Variants in DHX57 observed in about 807,000 individuals in gnomAD.
DHX57 encodes the protein putative ATP-dependent RNA helicase DHX57.
A neutral mutation model predicts 156.2 loss-of-function variants in DHX57; 105 were observed. That is an observed-to-expected ratio of 0.67 (90% CI 0.57 to 0.79). The LOEUF (loss-of-function observed/expected upper bound fraction) is 0.79, where lower values mean the gene tolerates loss of function less well. Ranked by LOEUF, DHX57 falls within the 30% of genes least tolerant of loss-of-function variation. The probability of loss-of-function intolerance (pLI) is 0.00; values close to 1 mark genes in which losing one functional copy is unlikely to be tolerated. For synonymous variants in DHX57, 704 were observed against 595.6 expected (o/e 1.18, Z -2.65); for missense variants, 1,847 against 1,661.9 (o/e 1.11, Z -1.94).
At chr2:38,832,981 CTT>C (rs773309488) in intron 13 of DHX57, among the ~76,000 whole-genome samples, 16 of 99,592 alleles carry the variant, frequency 1.6e-4, no homozygotes, top group African/African-American at 5.2e-4. Flanking sequence ...AATGTCTATT[CTT>C]TTTTTTTTTT....
intron 13 of DHX57, among the ~76,000 whole-genome samples, chr2:38,832,162 C>T (rs1194364956): frequency 6.6e-6 from 1 of 151,854 alleles, no homozygotes; most frequent in Non-Finnish European, 1.5e-5. Flanking sequence ...CACAGCGGGC[C>T]GGGTGCAGTG....
Position 38,868,188 on chromosome 2 carries a change from G to T in DHX57, c.218C>A (p.Pro73His). The change falls in exon 2 of 24, where the codon CCT (proline) becomes CAT (histidine). Residue 73 changes from proline to histidine, a missense_variant. Physicochemically the swap from Pro to His is moderately conservative, Grantham distance 77 (BLOSUM62 -2). Coordinates refer to ENST00000457308, the MANE Select transcript of DHX57 (RefSeq NM_198963.3). The stretch of plus-strand genomic sequence containing the variant: ...TTCAAAGAGTTATAATGACCTGGAA[G>T]GGCGCCTTGATTCACTGAAGATACA... ...DFCIFSESRR[P>H]SRPSNSNISK... 1.9e-6 allele frequency: 3 copies of T among 1,613,800 alleles called. No homozygotes were observed. The highest frequency in any genetic ancestry group is 2.5e-6 in the Non-Finnish European group (3 of 1,179,956).
intron 13 of DHX57, among the ~76,000 whole-genome samples, chr2:38,829,660 C>T (rs182452858): frequency 6.6e-6 from 1 of 152,214 alleles, no homozygotes; most frequent in Non-Finnish European, 1.5e-5. Flanking sequence ...CCCAAGCAAT[C>T]TTTCTGCTTT....
At chr2:38,804,314 G>T (rs1209886879) in intron 22 of DHX57, among the ~76,000 whole-genome samples, 1 of 151,978 alleles carries the variant, frequency 6.6e-6, no homozygotes, top group Non-Finnish European at 1.5e-5. Flanking sequence ...AACATGGTGA[G>T]ACCCCGTCTC....
At chr2:38,808,021 G>A (rs949972873) in intron 21 of DHX57, among the ~76,000 whole-genome samples, 1 of 109,600 alleles carries the variant, frequency 9.1e-6, no homozygotes, top group African/African-American at 3.5e-5. Flanking sequence ...GTGGCGTGAT[G>A]TTGGCTCACT....
rs1042987940 is a variant in DHX57, at chr2:38,832,755, C to G, written c.2543-4319G>C. Among the ~76,000 whole-genome samples, 6 of 151,864 alleles carry G rather than the reference C, an allele frequency of 4.0e-5. No homozygotes were observed. In the South Asian group the frequency reaches 1.2e-3, roughly 32 times the overall value. ...GTTTTGCCATGTTGGCTAGGCTGGT[C>G]TCGAACTCCTGACTTTAGGTGATCC... On this transcript the variant is annotated intron_variant, in intron 13 of 23. Coordinates refer to ENST00000457308, the MANE Select transcript of DHX57 (RefSeq NM_198963.3).
chr2:38,843,688 G>A (rs1672127355), intron 11 of DHX57, among the ~76,000 whole-genome samples: 1 of 152,236 alleles, frequency 6.6e-6, no homozygotes. Context: ...TTTAATATTT[G>A]TTAGTGACAA....
chr2:38,837,845 T>G lies in DHX57; in HGVS notation c.2528A>C (p.His843Pro), dbSNP rs1671762500. 6 of 1,603,342 alleles carry G rather than the reference T, an allele frequency of 3.7e-6. No homozygotes were observed. Among genetic ancestry groups the G allele is most frequent in the Non-Finnish European group, 5.1e-6 (6 of 1,170,514 alleles). The change falls in exon 13 of 24, where the codon CAC becomes CCC. Residue 843 changes from histidine (H) to proline (P), a missense_variant. By Grantham distance (77) the His-to-Pro change is moderately conservative (BLOSUM62 -2). Coordinates refer to ENST00000457308, the MANE Select transcript of DHX57 (RefSeq NM_198963.3). ...GAAGCAGTTACCTGGAGGGTAGGAG[T>G]GCTTTCCATCCACAATCCACTCTAA... ...ALLEWIVDGK[H>P]SYPPGAILVF...
intron 13 of DHX57, among the ~76,000 whole-genome samples, chr2:38,830,994 G>A (rs915024100): frequency 5.9e-5 from 9 of 152,090 alleles, no homozygotes; most frequent in African/African-American, 2.2e-4. Flanking sequence ...GCTTAAGCCA[G>A]GAAGTTGGGG....
intron 23 of DHX57, among the ~76,000 whole-genome samples, chr2:38,802,342 C>A (rs1458731999): frequency 6.6e-6 from 1 of 150,542 alleles, no homozygotes; most frequent in Non-Finnish European, 1.5e-5. Context: ...GGCTGGAGTG[C>A]AATGGCACGA....
intron 21 of DHX57, chr2:38,811,522 T>C (rs537876466): frequency 3.0e-6 from 3 of 999,394 alleles, no homozygotes; most frequent in African/African-American, 1.6e-5. Context: ...CTGGCTTCCT[T>C]GAAGTCTTCC....
rs965393651 is a variant in DHX57, at chr2:38,806,579, G to A, written c.3796C>T (p.Pro1266Ser). ...TKNDGYVHIH[P>S]SSVNYQVRHF... ...CTGACCTGATAGTTCACTGATGAAG[G>A]GTGAATGTGTACATATCCATCGTTC... Residue 1266 changes from proline (P) to serine (S), a missense_variant, in exon 22 of 24, where the codon CCT (proline) becomes TCT (serine). Transcript: ENST00000457308. 2.7e-5 allele frequency: 43 copies of A among 1,613,846 alleles called. No individual in the cohort carries two copies. The highest frequency in any genetic ancestry group is 3.5e-5 in the Non-Finnish European group (41 of 1,179,982).
chr2:38,819,190 T>C (rs777929733), intron 17 of DHX57, 46 bp from the exon 18 acceptor site: 2 of 1,566,396 alleles, frequency 1.3e-6, no homozygotes, highest in Non-Finnish European at 1.8e-6. Flanking sequence ...TTTTTTTTTT[T>C]CAAAGACAGG....
At chr2:38,826,833 T>G in intron 14 of DHX57, 144 bp from the exon 15 acceptor site, 1 of 914,384 alleles carries the variant, frequency 1.1e-6, no homozygotes, top group South Asian at 1.8e-5. Context: ...TCAGCTCTTC[T>G]ACATAGTAAA....
In DHX57 at chr2:38,801,739, C is replaced by T. The variant is rs529496025; in HGVS notation, c.4017+976G>A. On this transcript the variant is annotated intron_variant, in intron 23 of 23. Coordinates refer to ENST00000457308, the MANE Select transcript of DHX57 (RefSeq NM_198963.3). ...CATCCTGAATAGCTGGGATTACAGA[C>T]GCCCACTACCACACCTGGTTAATTT... is the stretch of plus-strand genomic sequence containing the variant. 7.9e-5 allele frequency among the ~76,000 whole-genome samples: 12 copies of T among 152,236 alleles called. No homozygotes were observed. The South Asian group carries it at 1.4e-3, about 18-fold the overall frequency.
chr2:38,819,145 C>G lies in DHX57; in HGVS notation c.3292-1G>C. ...CTTCTTTTTTATCCCAGGGAGATACCTAAAGGAGAGAGGAAAATCAGATTT... is the reference window on the plus strand; with the variant it reads ...CTTCTTTTTTATCCCAGGGAGATACGTAAAGGAGAGAGGAAAATCAGATTT... On this transcript the variant is annotated splice_acceptor_variant, in intron 17 of 23. Transcript: ENST00000457308. LOFTEE classifies it high-confidence loss of function. 1 of 1,612,602 alleles carries G rather than the reference C, an allele frequency of 6.2e-7. No homozygotes were observed. The highest frequency in any genetic ancestry group is 8.5e-7 in the Non-Finnish European group (1 of 1,179,628).
In DHX57 at chr2:38,848,332, C is replaced by T. The variant is rs776927183; in HGVS notation, c.2101G>A (p.Ala701Thr). ...GAAAAAAGCTCAGCGTTTAGAGTTGCACTCATTAAAATAACTTGAAGACCT... is the reference window on the plus strand; with the variant it reads ...GAAAAAAGCTCAGCGTTTAGAGTTGTACTCATTAAAATAACTTGAAGACCT... ...RPGLQVILMS[A>T]TLNAELFSDY... Residue 701 changes from alanine (A) to threonine (T), a missense_variant, in exon 10 of 24, where the codon GCA becomes ACA. Transcript: ENST00000457308. 3.1e-6 allele frequency: 5 copies of T among 1,612,410 alleles called. No individual in the cohort carries two copies. The highest frequency in any genetic ancestry group is 4.2e-6 in the Non-Finnish European group (5 of 1,179,290).
intron 12 of DHX57, among the ~76,000 whole-genome samples, chr2:38,838,974 C>T (rs1419092018): frequency 6.6e-6 from 1 of 152,000 alleles, no homozygotes; most frequent in Non-Finnish European, 1.5e-5. Flanking sequence ...CTCTGTCACC[C>T]AGGCTGGAGT....
chr2:38,827,566 A>C (rs1299580882), intron 14 of DHX57, among the ~76,000 whole-genome samples: 2 of 146,756 alleles, frequency 1.4e-5, no homozygotes, highest in Non-Finnish European at 1.5e-5. Flanking sequence ...ATACACACAC[A>C]CACACATACA....
Sources: allele counts gnomAD v4.1 joint callset (sites outside exome capture counted in the v4.1 genomes callset), GRCh38; gene constraint gnomAD v4.1.1; transcripts MANE v1.5; gene names NCBI Gene and HGNC (gene_info 2026-07-23, HGNC 2026-07-21).